The following FAM162B variants were observed in gnomAD, a reference collection of about 807,000 sequenced individuals.
FAM162B encodes protein FAM162B.
Under a neutral mutation model 20.0 loss-of-function variants are expected in FAM162B, and 16 were observed. The observed-to-expected ratio is 0.80, with a 90% confidence interval of 0.54 to 1.21. The LOEUF (loss-of-function observed/expected upper bound fraction) is 1.21. Among genes scored for constraint, FAM162B ranks in the 50% most tolerant of loss-of-function variants. The probability of loss-of-function intolerance (pLI) is 0.00; values close to 1 mark genes in which losing one functional copy is unlikely to be tolerated. For missense variants in FAM162B, 260 were observed against 227.5 expected, an observed-to-expected ratio of 1.14 and a Z score of -0.92; for synonymous variants, 83 against 89.7, an observed-to-expected ratio of 0.93 and a Z score of 0.42.
chr6:116,763,579 T>G (rs1771848065), intron 2 of FAM162B, among the ~76,000 whole-genome samples: 1 of 152,168 alleles, frequency 6.6e-6, no homozygotes, highest in African/African-American at 2.4e-5. Context: ...ATCTTTTGAC[T>G]ATGATCTTGG....
intron 3 of FAM162B, among the ~76,000 whole-genome samples, chr6:116,756,512 G>A (rs1474833313): frequency 4.6e-5 from 7 of 152,166 alleles, no homozygotes; most frequent in Non-Finnish European, 1.0e-4. Context: ...AAAGTATTTA[G>A]AATATTACAT....
chr6:116,755,550 A>T, intron 3 of FAM162B, among the ~76,000 whole-genome samples: 1 of 152,246 alleles, frequency 6.6e-6, no homozygotes, highest in East Asian at 1.9e-4. Flanking sequence ...CATCTAGAAG[A>T]TCTATTATAG....
In FAM162B at chr6:116,765,129, G is replaced by T. The variant is rs1286723599; in HGVS notation, c.281+18C>A. The T allele has an allele frequency of 6.2e-7, 1 of 1,610,280 alleles. No individual in the cohort carries two copies. The highest frequency in any genetic ancestry group is 1.7e-5 in the Admixed American group (1 of 60,018). On this transcript the variant is annotated intron_variant, in intron 2 of 3. Transcript: ENST00000368557. ...GCCGGGGACCGACTCTCCTTCGCGCGGCGGTCGCCACACTTACGGGATCCG... is the reference window on the plus strand; with the variant it reads ...GCCGGGGACCGACTCTCCTTCGCGCTGCGGTCGCCACACTTACGGGATCCG...
In FAM162B at chr6:116,765,080, G is replaced by A. The variant is rs149500923; in HGVS notation, c.281+67C>T. On this transcript the variant is annotated intron_variant, in intron 2 of 3. Coordinates refer to ENST00000368557, the MANE Select transcript of FAM162B (RefSeq NM_001085480.3). The stretch of plus-strand genomic sequence containing the variant: ...CGCTCCTAGGTGGCCGCGGTCGGAA[G>A]GTGGGTCACCCCGCACCCTTGCGGC... 6.2e-4 allele frequency: 938 copies of A among 1,516,226 alleles called. 9 individuals carry two copies. The African/African-American group carries it at 0.012, about 19-fold the overall frequency. 93.9% of individuals were successfully genotyped at this position (1,516,226 alleles called of 1,614,324 possible). A position where few individuals can be genotyped will look rare whatever the true frequency, so the allele number is the denominator to read the frequency against.
intron 2 of FAM162B, 87 bp downstream of exon 2, chr6:116,765,060 C>A: frequency 7.5e-7 from 1 of 1,330,346 alleles, no homozygotes; most frequent in Non-Finnish European, 1.1e-6. Flanking sequence ...GCTTTCGCTC[C>A]TAGGTGGCCG....
chr6:116,761,660 T>TTATATATGTATATATACG (rs1262484083), intron 3 of FAM162B, among the ~76,000 whole-genome samples: 25 of 144,314 alleles, frequency 1.7e-4, no homozygotes, highest in Non-Finnish European at 9.0e-5. Flanking sequence ...ATATATATAC[T>TTATATATGTATATATACG]TATATATATA....
At chr6:116,760,337 A>T (rs1273478012) in intron 3 of FAM162B, among the ~76,000 whole-genome samples, 1 of 152,260 alleles carries the variant, frequency 6.6e-6, no homozygotes, top group Non-Finnish European at 1.5e-5. Flanking sequence ...TGGAATTTTA[A>T]CAGGAAATGA....
chr6:116,757,543 T>C (rs776810057), intron 3 of FAM162B, among the ~76,000 whole-genome samples: 4 of 152,040 alleles, frequency 2.6e-5, no homozygotes, highest in Non-Finnish European at 5.9e-5. Flanking sequence ...GTTTAGGAGT[T>C]TGAGGCCAGC....
chr6:116,762,172 C>A, intron 2 of FAM162B, 87 bp from the exon 3 acceptor site: 1 of 1,106,872 alleles, frequency 9.0e-7, no homozygotes. Flanking sequence ...TGTAAACATT[C>A]CAAAAAATTC....
In FAM162B at chr6:116,752,275, T is replaced by A. The variant is rs1483149485; in HGVS notation, c.*322A>T. The A allele has an allele frequency of 6.5e-6, 1 of 154,304 alleles. No homozygotes were observed. The highest frequency in any genetic ancestry group is 1.4e-5 in the Non-Finnish European group (1 of 69,566). The allele number at this position is 154,304 out of a possible 1,614,324, so 9.6% of individuals were successfully genotyped here. ...GTGATGAAACTCAGAAAAACTGCTA[T>A]GTTTGGGAGGTAATGGCTGAGAAAA... On this transcript the variant is annotated 3_prime_UTR_variant, in exon 4 of 4. Coordinates refer to ENST00000368557, the MANE Select transcript of FAM162B (RefSeq NM_001085480.3).
Position 116,765,149 on chromosome 6 carries a change from G to A in FAM162B, c.279C>T (p.Ile93=). 1.2e-6 allele frequency: 2 copies of A among 1,613,062 alleles called. No individual in the cohort carries two copies. The highest frequency in any genetic ancestry group is 1.7e-6 in the Non-Finnish European group (2 of 1,179,900). ...CGCGCGGCGGTCGCCACACTTACGG[G>A]ATCCGAGGCGGGATCTCCTCCATCG... The part of the protein sequence containing the change: ...FKSMEEIPPR[I]PPEMIDTARN... The change falls in exon 2 of 4, where the codon ATC becomes ATT. Residue 93 remains isoleucine (I), a splice_region_variant and synonymous_variant. Coordinates refer to ENST00000368557, the MANE Select transcript of FAM162B (RefSeq NM_001085480.3).
chr6:116,752,424 A>G lies in FAM162B; in HGVS notation c.*173T>C. ...ACAGTTTTGTCCACTTTTTGAATGC[A>G]TGGTATACTTCAGTAAAAGTTTACT... is the stretch of plus-strand genomic sequence containing the variant. On this transcript the variant is annotated 3_prime_UTR_variant, in exon 4 of 4. Transcript: ENST00000368557. The G allele has an allele frequency of 3.6e-6, 1 of 274,698 alleles. No homozygotes were observed. Among genetic ancestry groups the G allele is most frequent in the Non-Finnish European group, 6.9e-6 (1 of 145,044 alleles). The allele number at this position is 274,698 out of a possible 1,614,324, so 17.0% of individuals were successfully genotyped here.
chr6:116,761,638 A>ACT (rs1562468770), intron 3 of FAM162B, among the ~76,000 whole-genome samples: 3 of 146,908 alleles, frequency 2.0e-5, no homozygotes, highest in Non-Finnish European at 4.5e-5. Flanking sequence ...ATATATACAT[A>ACT]TATATACACT....
chr6:116,765,075 C>G (rs1479367593), intron 2 of FAM162B, 72 bp downstream of exon 2: 2 of 1,482,802 alleles, frequency 1.3e-6, no homozygotes, highest in Admixed American at 3.4e-5. Flanking sequence ...TGGCCGCGGT[C>G]GGAAGGTGGG....
rs180918675 is a variant in FAM162B, at chr6:116,753,084, C to A, written c.391-389G>T. Among the ~76,000 whole-genome samples, 647 of 151,934 alleles carry A rather than the reference C, an allele frequency of 4.3e-3. 17 individuals carry two copies. Among genetic ancestry groups the A allele is most frequent in the South Asian group, 0.042 (201 of 4,798 alleles). On this transcript the variant is annotated intron_variant, in intron 3 of 3. Coordinates refer to ENST00000368557, the MANE Select transcript of FAM162B (RefSeq NM_001085480.3). ...AATAGAGAGTTGACATATTTTGTTC[C>A]CCCTGCCTACCAGTCTTTCCCTAGC... is the stretch of plus-strand genomic sequence containing the variant.
intron 3 of FAM162B, among the ~76,000 whole-genome samples, chr6:116,757,020 T>TTACAAAATTATCCA (rs1210585913): frequency 6.6e-6 from 1 of 152,246 alleles, no homozygotes; most frequent in African/African-American, 2.4e-5. Flanking sequence ...ATGGATAATT[T>TTACAAAATTATCCA]TGTAAGCTTA....
intron 2 of FAM162B, among the ~76,000 whole-genome samples, chr6:116,764,103 C>A (rs191415319): frequency 9.2e-5 from 14 of 152,224 alleles, no homozygotes; most frequent in African/African-American, 3.4e-4. Flanking sequence ...CATGTTCTCC[C>A]ACCCCACCCC....
chr6:116,759,028 T>C (rs1780089155), intron 3 of FAM162B, among the ~76,000 whole-genome samples: 1 of 152,162 alleles, frequency 6.6e-6, no homozygotes, highest in Non-Finnish European at 1.5e-5. Flanking sequence ...ATTTTAGACT[T>C]AGTTTGTCTA....
intron 3 of FAM162B, among the ~76,000 whole-genome samples, chr6:116,758,575 AT>A (rs1217232182): frequency 6.6e-6 from 1 of 152,094 alleles, no homozygotes; most frequent in East Asian, 1.9e-4. Flanking sequence ...TAAACTTTAT[AT>A]GATTAAATTT....
Sources: allele counts gnomAD v4.1 joint callset (sites outside exome capture counted in the v4.1 genomes callset), GRCh38; gene constraint gnomAD v4.1.1; transcripts MANE v1.5; gene names NCBI Gene and HGNC (gene_info 2026-07-23, HGNC 2026-07-21).